The following FMN1 variants were observed in gnomAD, a reference collection of about 807,000 sequenced individuals.
The protein encoded by FMN1 is formin 1.
In FMN1, 110 loss-of-function variants were observed where a neutral mutation model predicts 132.4. The ratio of observed to expected loss-of-function variants is 0.83; its 90% CI spans 0.71 to 0.97. The LOEUF is 0.97. FMN1 is among the 50% of genes least tolerant of loss of function. FMN1 has a pLI of 0.00. For synonymous variants in FMN1, 722 were observed against 651.7 expected (o/e 1.11, Z -1.64); for missense variants, 1,792 against 1,705.3 (o/e 1.05, Z -0.90).
chr15:33,108,367 A>G (rs921732435), intron 4 of FMN1, among the ~76,000 whole-genome samples: 1 of 152,190 alleles, frequency 6.6e-6, no homozygotes, highest in African/African-American at 2.4e-5. Flanking sequence ...TTCTATCTAC[A>G]TGTCTCTTAC....
intron 6 of FMN1, among the ~76,000 whole-genome samples, chr15:33,059,597 A>G (rs1360104987): frequency 6.6e-6 from 1 of 152,228 alleles, no homozygotes; most frequent in Non-Finnish European, 1.5e-5. Context: ...ATTTTAATCC[A>G]TCACTCTTCA....
In FMN1 at chr15:33,154,757, A is replaced by C; in HGVS notation, c.158T>G (p.Val53Gly). 6.5e-7 allele frequency: 1 copy of C among 1,536,040 alleles called. No homozygotes were observed. The highest frequency in any genetic ancestry group is 8.7e-7 in the Non-Finnish European group (1 of 1,146,914). ...GCTGATGATGTCTGACTCCTCCCTG[A>C]CTTGGTAGCAGTTATGAAAACCTTT... is the stretch of plus-strand genomic sequence containing the variant. ...SNKGFHNCYQVREESDIISLS... is the reference protein window; with the variant it reads ...SNKGFHNCYQGREESDIISLS... Residue 53 changes from valine (V) to glycine (G), a missense_variant, in exon 4 of 21, where the codon GTC becomes GGC. By Grantham distance (109) the Val-to-Gly change is moderately radical. Around this residue, in one of 3 missense-constraint regions of FMN1, gnomAD observed 638 missense variants for 645.2 expected, o/e 0.99. Coordinates refer to ENST00000616417, the MANE Select transcript of FMN1 (RefSeq NM_001277313.2).
At chr15:32,909,143 A>G (rs1198481737) in intron 11 of FMN1, among the ~76,000 whole-genome samples, 5 of 152,246 alleles carry the variant, frequency 3.3e-5, no homozygotes, top group Admixed American at 6.5e-5. Context: ...TGAGCTAACA[A>G]GCGGCAACCA....
rs551549666 is a variant in FMN1 at position 33,165,038 on chromosome 15, TCTAA to T, written c.-131-9997_-131-9994del. Among the ~76,000 whole-genome samples, 321 of 152,310 alleles carry T rather than the reference TCTAA, an allele frequency of 2.1e-3. 2 individuals carry two copies. The highest frequency in any genetic ancestry group is 3.9e-3 in the Admixed American group (60 of 15,282). On this transcript the variant is annotated intron_variant, in intron 3 of 20. Coordinates refer to ENST00000616417, the MANE Select transcript of FMN1 (RefSeq NM_001277313.2). ...CAAATACTAGTTCTTATGAATTCTA[TCTAA>T]CTATGTTTTTGTACCCACCGCCTGA...
At chr15:32,895,230 G>C (rs1034901948) in intron 15 of FMN1, among the ~76,000 whole-genome samples, 1 of 151,964 alleles carries the variant, frequency 6.6e-6, no homozygotes, top group Non-Finnish European at 1.5e-5. Context: ...GATGGATTGG[G>C]TGTTCGTATG....
chr15:33,177,223 G>C (rs1312028558), intron 3 of FMN1, among the ~76,000 whole-genome samples: 1 of 152,202 alleles, frequency 6.6e-6, no homozygotes, highest in Non-Finnish European at 1.5e-5. Context: ...CCTGGCTCTT[G>C]AAATTCCTTA....
At chr15:32,918,956 G>A (rs998122468) in intron 10 of FMN1, among the ~76,000 whole-genome samples, 5 of 152,146 alleles carry the variant, frequency 3.3e-5, no homozygotes, top group African/African-American at 1.2e-4. Flanking sequence ...GGTGGAAAAG[G>A]AAAGGAAAAT....
intron 15 of FMN1, among the ~76,000 whole-genome samples, chr15:32,894,082 A>T (rs2141540936): frequency 6.6e-6 from 1 of 152,138 alleles, no homozygotes; most frequent in East Asian, 1.9e-4. Context: ...AACAGCTCTC[A>T]TCTCCTCATA....
At chr15:32,872,262 C>T (rs569500343) in intron 16 of FMN1, among the ~76,000 whole-genome samples, 2 of 152,090 alleles carry the variant, frequency 1.3e-5, no homozygotes, top group African/African-American at 4.8e-5. Context: ...TTTGGACATA[C>T]GATTGCAATT....
At chr15:33,042,639 G>T (rs1226591656) in intron 6 of FMN1, among the ~76,000 whole-genome samples, 2 of 152,190 alleles carry the variant, frequency 1.3e-5, no homozygotes, top group African/African-American at 4.8e-5. Context: ...CTCAGAGCAA[G>T]AGTGAAGGAT....
At chr15:33,029,153 A>G (rs554994950) in intron 6 of FMN1, among the ~76,000 whole-genome samples, 1 of 152,326 alleles carries the variant, frequency 6.6e-6, no homozygotes, top group Admixed American at 6.5e-5. Context: ...TCCTCAAAAT[A>G]CATAAAGAAA....
At chr15:32,991,433 A>G (rs2033427518) in intron 7 of FMN1, among the ~76,000 whole-genome samples, 1 of 152,150 alleles carries the variant, frequency 6.6e-6, no homozygotes, top group Admixed American at 6.5e-5. Flanking sequence ...ATTACCCTAC[A>G]TGATCTAAAC....
intron 6 of FMN1, among the ~76,000 whole-genome samples, chr15:33,033,769 A>C (rs1182167115): frequency 6.6e-6 from 1 of 151,848 alleles, no homozygotes; most frequent in Non-Finnish European, 1.5e-5. Flanking sequence ...TTAAACTTTT[A>C]TCCCGACACC....
In FMN1 at chr15:33,154,480, C is replaced by T. The variant is rs765625748; in HGVS notation, c.435G>A (p.Val145=). ...SAGDWQGELP[V]GPLNKRSTHG... The stretch of plus-strand genomic sequence containing the variant: ...GGGTGCTCCTCTTATTGAGAGGGCC[C>T]ACGGGGAGCTCTCCCTGCCAGTCAC... Residue 145 remains valine, a synonymous_variant, in exon 4 of 21, where the codon GTG becomes GTA. Transcript: ENST00000616417. The T allele has an allele frequency of 8.5e-6, 13 of 1,535,902 alleles. No homozygotes were observed. Among genetic ancestry groups the T allele is most frequent in the Non-Finnish European group, 1.1e-5 (13 of 1,146,890 alleles).
chr15:32,853,445 C>T (rs1324149678), intron 17 of FMN1, among the ~76,000 whole-genome samples: 1 of 152,116 alleles, frequency 6.6e-6, no homozygotes, highest in Non-Finnish European at 1.5e-5. Context: ...GTATTTCTTA[C>T]AATAAATAGC....
chr15:32,965,769 A>AT (rs569295921), intron 8 of FMN1, among the ~76,000 whole-genome samples: 97 of 152,276 alleles, frequency 6.4e-4, no homozygotes, highest in African/African-American at 2.2e-3. Context: ...CAATAGTTGA[A>AT]CCATGTAATA....
At chr15:32,838,968 G>C (rs868303561) in intron 17 of FMN1, among the ~76,000 whole-genome samples, 22 of 152,264 alleles carry the variant, frequency 1.4e-4, no homozygotes, top group Middle Eastern at 6.8e-3. Flanking sequence ...AGCAGTCCAA[G>C]GCCCTGACAC....
intron 7 of FMN1, among the ~76,000 whole-genome samples, chr15:32,994,783 G>A (rs1431829769): frequency 2.0e-5 from 3 of 152,020 alleles, no homozygotes; most frequent in South Asian, 2.1e-4. Context: ...GTGGTCCTTT[G>A]TCATTTGTTA....
chr15:32,917,631 C>G (rs149193780), intron 10 of FMN1, among the ~76,000 whole-genome samples: 1 of 152,336 alleles, frequency 6.6e-6, no homozygotes, highest in East Asian at 1.9e-4. Flanking sequence ...CAAAGTCACA[C>G]TGCTTGGTTT....
Sources: gnomAD v4.1 joint callset for allele counts (sites outside exome capture counted in the v4.1 genomes callset) on GRCh38, gnomAD v4.1.1 for gene constraint, gnomAD v4.1.1 regional missense constraint, MANE v1.5 for transcripts, NCBI Gene and HGNC (gene_info 2026-07-23, HGNC 2026-07-21) for gene names.